Variants in MTMR12 observed in about 807,000 individuals in gnomAD.
MTMR12 encodes myotubularin related protein 12, also known as myotubularin-related protein 12.
Under a neutral mutation model 96.7 loss-of-function variants are expected in MTMR12, and 33 were observed. The ratio of observed to expected loss-of-function variants is 0.34; its 90% CI spans 0.26 to 0.46. The LOEUF is 0.46. Ranked by LOEUF, MTMR12 falls within the 20% of genes least tolerant of loss-of-function variation. The pLI is 1.00. For synonymous variants in MTMR12, 298 were observed against 327.2 expected, an observed-to-expected ratio of 0.91 and a Z score of 0.96; for missense variants, 721 against 896.1, an observed-to-expected ratio of 0.80 and a Z score of 2.49.
At chr5:32,273,830 T>G in intron 3 of MTMR12, 150 bp downstream of exon 3, 1 of 1,195,638 alleles carries the variant, frequency 8.4e-7, no homozygotes, top group Non-Finnish European at 1.2e-6. Context: ...CCCCCAAACT[T>G]CACCAAATGC....
At chr5:32,268,933 G>A (rs1378297905) in intron 5 of MTMR12, 139 bp from the exon 6 acceptor site, 1 of 592,942 alleles carries the variant, frequency 1.7e-6, no homozygotes, top group Admixed American at 2.8e-5. Flanking sequence ...TTTGAGATCT[G>A]TATCTATGAC....
chr5:32,244,809 G>A (rs1162246943), intron 10 of MTMR12, among the ~76,000 whole-genome samples: 2 of 152,116 alleles, frequency 1.3e-5, no homozygotes, highest in Non-Finnish European at 2.9e-5. Flanking sequence ...CCAACGACTA[G>A]CATAGTTAAT....
rs1554053391 is a variant in MTMR12 at position 32,228,569 on chromosome 5, C to CATATATATGTGATATATATATATG, written c.*1208_*1209insCATATATATATATCACATATATAT. On this transcript the variant is annotated 3_prime_UTR_variant, in exon 16 of 16. Coordinates refer to ENST00000382142, the MANE Select transcript of MTMR12 (RefSeq NM_001040446.3). ...TCATATATATGTGATATATATATATCATATATATATCATATATATGTGATA... is the reference window on the plus strand; with the variant it reads ...TCATATATATGTGATATATATATATCATATATATGTGATATATATATATGATATATATATCATATATATGTGATA... The CATATATATGTGATATATATATATG allele has an allele frequency of 2.7e-5, 3 of 112,508 alleles. No homozygotes were observed. Among genetic ancestry groups the CATATATATGTGATATATATATATG allele is most frequent in the African/African-American group, 4.0e-5 (1 of 25,030 alleles). The allele number at this position is 112,508 out of a possible 1,614,324, so 7.0% of individuals were successfully genotyped here.
intron 12 of MTMR12, among the ~76,000 whole-genome samples, chr5:32,241,274 C>T (rs557770721): frequency 6.6e-6 from 1 of 152,284 alleles, no homozygotes; most frequent in South Asian, 2.1e-4. Flanking sequence ...CGGAACAGAG[C>T]CCTGCACATG....
intron 1 of MTMR12, among the ~76,000 whole-genome samples, chr5:32,292,042 T>C (rs897441989): frequency 6.6e-6 from 1 of 152,186 alleles, no homozygotes; most frequent in Non-Finnish European, 1.5e-5. Context: ...GGCACTCTCT[T>C]TGCGGCTAAA....
At chr5:32,250,851 A>G (rs1355453830) in intron 8 of MTMR12, among the ~76,000 whole-genome samples, 1 of 152,148 alleles carries the variant, frequency 6.6e-6, no homozygotes, top group Non-Finnish European at 1.5e-5. Flanking sequence ...CAGTAAATAG[A>G]AAAAAACAAA....
chr5:32,238,143 CAA>C (rs746835069), intron 13 of MTMR12, among the ~76,000 whole-genome samples: 711 of 58,914 alleles, frequency 0.012, 4 homozygotes, highest in African/African-American at 0.039. Context: ...GACTCCGTCT[CAA>C]AAAAAAAAAA....
At chr5:32,287,161 G>A (rs1186921916) in intron 1 of MTMR12, among the ~76,000 whole-genome samples, 1 of 152,224 alleles carries the variant, frequency 6.6e-6, no homozygotes, top group Non-Finnish European at 1.5e-5. Flanking sequence ...ATGGCCATGT[G>A]ATGGTTAATA....
intron 7 of MTMR12, among the ~76,000 whole-genome samples, chr5:32,261,738 C>A (rs756622633): frequency 2.6e-5 from 4 of 152,128 alleles, no homozygotes; most frequent in Non-Finnish European, 5.9e-5. Flanking sequence ...GGAAGGCAGT[C>A]AAAAATTTTT....
In MTMR12 at chr5:32,311,213, T is replaced by G. The variant is rs963498908; in HGVS notation, c.81+1545A>C. ...CACCTACTATACCCACAAAAATTTTTTAAATGTTTAAATGTTTTAAAAAGA... is the reference window on the plus strand; with the variant it reads ...CACCTACTATACCCACAAAAATTTTGTAAATGTTTAAATGTTTTAAAAAGA... On this transcript the variant is annotated intron_variant, in intron 1 of 15. Coordinates refer to ENST00000382142, the MANE Select transcript of MTMR12 (RefSeq NM_001040446.3). Among the ~76,000 whole-genome samples the G allele has an allele frequency of 7.2e-5, 11 of 152,276 alleles. No individual in the cohort carries two copies. The East Asian group carries it at 2.1e-3, about 29-fold the overall frequency.
chr5:32,244,553 T>C (rs896925917), intron 10 of MTMR12, among the ~76,000 whole-genome samples: 23 of 151,982 alleles, frequency 1.5e-4, no homozygotes, highest in Non-Finnish European at 4.4e-5. Context: ...ATCGCACCAT[T>C]GCACTCCAGC....
chr5:32,241,710 TG>T (rs1318553868), intron 12 of MTMR12, among the ~76,000 whole-genome samples: 1 of 152,220 alleles, frequency 6.6e-6, no homozygotes, highest in East Asian at 1.9e-4. Flanking sequence ...AAGTCATCCA[TG>T]GATCTCTTTA....
chr5:32,232,595 GCCAA>G (rs2111976650), intron 15 of MTMR12, among the ~76,000 whole-genome samples: 1 of 152,338 alleles, frequency 6.6e-6, no homozygotes, highest in African/African-American at 2.4e-5. Flanking sequence ...TTTCTCTGGT[GCCAA>G]TCCAGCTCTC....
At chr5:32,257,164 C>T (rs1407941158) in intron 7 of MTMR12, among the ~76,000 whole-genome samples, 1 of 151,816 alleles carries the variant, frequency 6.6e-6, no homozygotes, top group South Asian at 2.1e-4. Context: ...CCCATCTCCA[C>T]AAAAAAATTA....
chr5:32,282,647 G>C (rs188335517), intron 1 of MTMR12, among the ~76,000 whole-genome samples: 3 of 152,042 alleles, frequency 2.0e-5, no homozygotes, highest in Admixed American at 2.0e-4. Context: ...CCCAAGAAGA[G>C]AAATAACCTA....
chr5:32,309,162 T>C (rs904910652), intron 1 of MTMR12, among the ~76,000 whole-genome samples: 1 of 152,192 alleles, frequency 6.6e-6, no homozygotes, highest in African/African-American at 2.4e-5. Flanking sequence ...GGGAAACATG[T>C]CTAATTACAA....
chr5:32,254,425 T>C (rs913204419), intron 8 of MTMR12, among the ~76,000 whole-genome samples: 24 of 152,124 alleles, frequency 1.6e-4, no homozygotes, highest in Non-Finnish European at 2.8e-4. Flanking sequence ...AAATAAAAAG[T>C]TTCCCTTCAG....
In MTMR12 at chr5:32,233,455, AACACACACACACACACAAAC is replaced by A. The variant is rs1186032642; in HGVS notation, c.1674+298_1674+317del. On this transcript the variant is annotated intron_variant, in intron 15 of 15. Coordinates refer to ENST00000382142, the MANE Select transcript of MTMR12 (RefSeq NM_001040446.3). This position sits in a 1 kb window ranked among gnomAD's most constrained non-coding sequence, Gnocchi z 5.0. ...CAATCAATGTTCCTTTTACTCTACT[AACACACACACACACACAAAC>A]ACACACACACACACACACACACAGG... Among the ~76,000 whole-genome samples, 5 of 147,958 alleles carry A rather than the reference AACACACACACACACACAAAC, an allele frequency of 3.4e-5. No homozygotes were observed. The highest frequency in any genetic ancestry group is 5.1e-5 in the African/African-American group (2 of 39,028).
intron 8 of MTMR12, among the ~76,000 whole-genome samples, chr5:32,253,904 G>C (rs114020238): frequency 6.6e-6 from 1 of 152,224 alleles, no homozygotes; most frequent in Non-Finnish European, 1.5e-5. Context: ...GATTATAGGC[G>C]TGAGCCACTA....
Sources: allele counts gnomAD v4.1 joint callset (sites outside exome capture counted in the v4.1 genomes callset), GRCh38; gene constraint gnomAD v4.1.1; non-coding constraint Gnocchi (gnomAD v3.1); transcripts MANE v1.5; gene names NCBI Gene and HGNC (gene_info 2026-07-23, HGNC 2026-07-21).